Variants in NRG1 observed in about 807,000 individuals in gnomAD.
NRG1 encodes the protein neuregulin 1.
In NRG1, 18 loss-of-function variants were observed where a neutral mutation model predicts 63.8. The ratio of observed to expected loss-of-function variants is 0.28; its 90% CI spans 0.19 to 0.42. The LOEUF is 0.42. Among genes scored for constraint, NRG1 ranks in the 10% least tolerant of loss-of-function variants. NRG1 has a pLI of 1.00. For missense variants in NRG1, 762 were observed against 814.7 expected (o/e 0.94, Z 0.79); for synonymous variants, 302 against 301.3 (o/e 1.00, Z -0.02).
At chr8:31,655,847 G>C (rs1041412865) in intron 1 of NRG1, among the ~76,000 whole-genome samples, 1 of 152,202 alleles carries the variant, frequency 6.6e-6, no homozygotes, top group Non-Finnish European at 1.5e-5. Flanking sequence ...TTTAGCCTTG[G>C]CTGTGATGGG....
intron 5 of NRG1, among the ~76,000 whole-genome samples, chr8:32,663,706 G>T (rs1315708712): frequency 6.6e-6 from 1 of 152,168 alleles, no homozygotes. Context: ...AGCAGGAAAA[G>T]TTCTAGACAG....
intron 1 of NRG1, among the ~76,000 whole-genome samples, chr8:32,312,957 C>A (rs1321453394): frequency 6.6e-6 from 1 of 152,130 alleles, no homozygotes; most frequent in Non-Finnish European, 1.5e-5. Context: ...AGTTTAAGAC[C>A]AGCCTGGCCA....
chr8:31,774,037 G>A (rs529423021), intron 1 of NRG1, among the ~76,000 whole-genome samples: 3 of 151,960 alleles, frequency 2.0e-5, no homozygotes, highest in Non-Finnish European at 4.4e-5. Flanking sequence ...AAAAAGAAGT[G>A]CATGCAATAA....
At chr8:31,907,443 T>C (rs1247056496) in intron 1 of NRG1, among the ~76,000 whole-genome samples, 1 of 151,728 alleles carries the variant, frequency 6.6e-6, no homozygotes, top group African/African-American at 2.4e-5. Context: ...AGCAAAGTTA[T>C]GTAGTTCTCG....
At chr8:31,814,986 A>G (rs973675711) in intron 1 of NRG1, among the ~76,000 whole-genome samples, 4 of 152,242 alleles carry the variant, frequency 2.6e-5, no homozygotes, top group Non-Finnish European at 5.9e-5. Context: ...AGGAGGATCC[A>G]CACCCTGTCC....
chr8:31,717,412 TAAAAA>T (rs34835652), intron 1 of NRG1, among the ~76,000 whole-genome samples: 2 of 126,318 alleles, frequency 1.6e-5, no homozygotes, highest in Non-Finnish European at 1.7e-5. Flanking sequence ...ATCTCGACAT[TAAAAA>T]AAAAAAAAAA....
intron 1 of NRG1, among the ~76,000 whole-genome samples, chr8:31,955,000 G>A (rs889540664): frequency 6.6e-6 from 1 of 152,240 alleles, no homozygotes; most frequent in Non-Finnish European, 1.5e-5. Flanking sequence ...GAGAAATAGA[G>A]GGAGTGGAGG....
chr8:32,225,500 T>C (rs985678876), intron 1 of NRG1, among the ~76,000 whole-genome samples: 4 of 152,154 alleles, frequency 2.6e-5, no homozygotes, highest in Non-Finnish European at 5.9e-5. Context: ...TTTTTTTCTT[T>C]CTACATTCTT....
At chr8:31,794,069 A>C (rs921247468) in intron 1 of NRG1, among the ~76,000 whole-genome samples, 1 of 152,184 alleles carries the variant, frequency 6.6e-6, no homozygotes, top group Non-Finnish European at 1.5e-5. Context: ...CAGATTTTAA[A>C]GTAAAACCAT....
intron 1 of NRG1, among the ~76,000 whole-genome samples, chr8:31,811,120 A>G (rs1822843687): frequency 6.6e-6 from 1 of 152,206 alleles, no homozygotes; most frequent in Non-Finnish European, 1.5e-5. Flanking sequence ...TGCTAGTCAT[A>G]GAATAAACAA....
intron 1 of NRG1, among the ~76,000 whole-genome samples, chr8:31,974,770 A>T (rs1807882603): frequency 2.6e-5 from 4 of 152,218 alleles, no homozygotes; most frequent in Non-Finnish European, 5.9e-5. Flanking sequence ...AATGTTCCTT[A>T]AAGCCAGCTA....
Position 32,499,083 on chromosome 8 carries a change from T to A in NRG1, c.38-96745T>A, listed in dbSNP as rs1827556891. ...GACCTGCAAAGGGAAAGAACATAGA[T>A]CAGAACGAGAATAAATAAGCAGAAA... On this transcript the variant is annotated intron_variant, in intron 1 of 10. Coordinates refer to the NRG1 transcript ENST00000519301. 3.3e-5 allele frequency among the ~76,000 whole-genome samples: 5 copies of A among 152,020 alleles called. No individual in the cohort carries two copies. The South Asian group carries it at 1.0e-3, about 32-fold the overall frequency.
At chr8:31,875,074 G>A (rs1585422369) in intron 1 of NRG1, among the ~76,000 whole-genome samples, 1 of 152,148 alleles carries the variant, frequency 6.6e-6, no homozygotes, top group Admixed American at 6.5e-5. Context: ...GGCCATCTAA[G>A]TGATGCCGTT....
At chr8:32,709,014 T>C (rs921312420) in intron 5 of NRG1, among the ~76,000 whole-genome samples, 1 of 152,234 alleles carries the variant, frequency 6.6e-6, no homozygotes, top group African/African-American at 2.4e-5. Context: ...TTTCTTTTTA[T>C]TATGGAAGAA....
chr8:32,577,356 T>C (rs1350084275), intron 1 of NRG1, among the ~76,000 whole-genome samples: 1 of 152,212 alleles, frequency 6.6e-6, no homozygotes, highest in Non-Finnish European at 1.5e-5. Context: ...AAGTGACTTA[T>C]GTATACAGTT....
chr8:32,371,703 A>T (rs1808883279), intron 1 of NRG1, among the ~76,000 whole-genome samples: 1 of 152,134 alleles, frequency 6.6e-6, no homozygotes, highest in African/African-American at 2.4e-5. Flanking sequence ...CCTTTCTGCC[A>T]TCTGGATCAG....
At position 32,742,091 on chromosome 8, in the gene NRG1, C is replaced by G. The variant is rs1167416719; in HGVS notation, c.633-584C>G. ...AACCAAGAAAGTATGTCAAAATAAT[C>G]TGAAATTTGCTTTCTCCCCCAACTA... On this transcript the variant is annotated intron_variant, in intron 6 of 11. Transcript: ENST00000356819. This position sits in a 1 kb window ranked among gnomAD's most constrained non-coding sequence, Gnocchi z 4.2. 1 of 1,607,794 alleles carries G rather than the reference C, an allele frequency of 6.2e-7. No homozygotes were observed. The highest frequency in any genetic ancestry group is 1.1e-5 in the South Asian group (1 of 90,904).
chr8:31,782,804 G>C (rs2131620583), intron 1 of NRG1, among the ~76,000 whole-genome samples: 1 of 152,214 alleles, frequency 6.6e-6, no homozygotes, highest in African/African-American at 2.4e-5. Flanking sequence ...TCTAAATTGG[G>C]GTCTCGGGTT....
chr8:31,961,053 C>A (rs1412920264), intron 1 of NRG1, among the ~76,000 whole-genome samples: 1 of 152,024 alleles, frequency 6.6e-6, no homozygotes, highest in Non-Finnish European at 1.5e-5. Flanking sequence ...GCAAGACTTG[C>A]GAAGATGATT....
Sources: allele counts gnomAD v4.1 joint callset (sites outside exome capture counted in the v4.1 genomes callset), GRCh38; gene constraint gnomAD v4.1.1; non-coding constraint Gnocchi (gnomAD v3.1); transcripts MANE v1.5; gene names NCBI Gene and HGNC (gene_info 2026-07-23, HGNC 2026-07-21).